The following NUP107 variants were observed in gnomAD, a reference collection of about 807,000 sequenced individuals.
The protein encoded by NUP107 is nuclear pore complex protein Nup107.
Under a neutral mutation model 141.0 loss-of-function variants are expected in NUP107, and 101 were observed. The observed-to-expected ratio is 0.72, with a 90% CI of 0.61 to 0.84. The LOEUF is 0.84. Among genes scored for constraint, NUP107 ranks in the 40% least tolerant of loss-of-function variants. The probability of loss-of-function intolerance (pLI) is 0.00; values close to 1 mark genes in which losing one functional copy is unlikely to be tolerated. For synonymous variants in NUP107, 319 were observed against 363.9 expected (o/e 0.88, Z 1.41); for missense variants, 941 against 1,102.7 (o/e 0.85, Z 2.08).
intron 4 of NUP107, among the ~76,000 whole-genome samples, chr12:68,691,647 A>G (rs942458451): frequency 4.6e-5 from 7 of 152,292 alleles, no homozygotes; most frequent in Admixed American, 1.3e-4. Context: ...CAGCCTGGCC[A>G]ACATGGTGAA....
intron 26 of NUP107, 66 bp downstream of exon 26, chr12:68,735,410 T>G: frequency 8.9e-7 from 1 of 1,128,762 alleles, no homozygotes; most frequent in Admixed American, 1.7e-5. Flanking sequence ...TTAAAAATAT[T>G]CTGTCTCTAA....
At chr12:68,705,387 G>A (rs1876527869) in intron 8 of NUP107, among the ~76,000 whole-genome samples, 1 of 151,986 alleles carries the variant, frequency 6.6e-6, no homozygotes, top group African/African-American at 2.4e-5. Context: ...TCAAAGTAAA[G>A]TTGAATAATA....
intron 6 of NUP107, among the ~76,000 whole-genome samples, chr12:68,697,812 T>C (rs1052186456): frequency 1.3e-5 from 2 of 151,962 alleles, no homozygotes; most frequent in African/African-American, 2.4e-5. Context: ...GGTGGATCAC[T>C]GCAGGTCAGG....
At chr12:68,717,295 A>G (rs939576554) in intron 12 of NUP107, among the ~76,000 whole-genome samples, 1 of 152,136 alleles carries the variant, frequency 6.6e-6, no homozygotes, top group Non-Finnish European at 1.5e-5. Flanking sequence ...AACCACAGAT[A>G]GTGAGTGTTT....
In NUP107 at chr12:68,721,177, G is replaced by T. The variant is rs772115097; in HGVS notation, c.1311G>T (p.Gln437His). Residue 437 changes from glutamine to histidine, a missense_variant and splice_region_variant, in exon 15 of 28, where the codon CAG (glutamine) becomes CAT (histidine). Coordinates refer to ENST00000229179, the MANE Select transcript of NUP107 (RefSeq NM_020401.4). ...CAGCTTTAAGTGGGAATCTTAAGCA[G>T]GTATGCAATCTGTTTTAATGTTTAA... ...IYAALSGNLK[Q>H]LLPVCDTWED... 6.2e-7 allele frequency: 1 copy of T among 1,600,744 alleles called. No homozygotes were observed. The highest frequency in any genetic ancestry group is 8.5e-7 in the Non-Finnish European group (1 of 1,170,322).
Position 68,719,349 on chromosome 12 carries a change from A to G in NUP107, c.1092A>G (p.Arg364=), listed in dbSNP as rs1213384363. 1.2e-6 allele frequency: 2 copies of G among 1,613,784 alleles called. No homozygotes were observed. Among genetic ancestry groups the G allele is most frequent in the Non-Finnish European group, 1.7e-6 (2 of 1,179,840 alleles). The change falls in exon 13 of 28, where the codon CGA becomes CGG. Residue 364 remains arginine, a synonymous_variant. Transcript: ENST00000229179. ...IRAGMTEEAQ[R]LCKRCGQAWR... ...CTTTCTTGTTTTCTAAGGCACAACGACTCTGTAAACGCTGTGGTCAAGCAT... is the reference window on the plus strand; with the variant it reads ...CTTTCTTGTTTTCTAAGGCACAACGGCTCTGTAAACGCTGTGGTCAAGCAT...
At chr12:68,704,956 C>G (rs1483324761) in intron 8 of NUP107, among the ~76,000 whole-genome samples, 5 of 151,578 alleles carry the variant, frequency 3.3e-5, no homozygotes, top group African/African-American at 1.2e-4. Flanking sequence ...GATCATAGTT[C>G]ACTGCAGCCT....
At chr12:68,691,759 G>A (rs1406591399) in intron 4 of NUP107, among the ~76,000 whole-genome samples, 3 of 151,612 alleles carry the variant, frequency 2.0e-5, no homozygotes, top group African/African-American at 4.9e-5. Context: ...GCTTGAGCCT[G>A]AGAGGCAAAG....
intron 24 of NUP107, 145 bp from the exon 25 acceptor site, chr12:68,734,563 G>C: frequency 1.6e-6 from 1 of 626,380 alleles, no homozygotes; most frequent in Non-Finnish European, 2.7e-6. Context: ...TGAATTTTTG[G>C]AGGGAAAAAA....
chr12:68,691,341 G>A (rs915921846), intron 4 of NUP107, among the ~76,000 whole-genome samples: 6 of 152,142 alleles, frequency 3.9e-5, no homozygotes. Context: ...CTGTTTTGAA[G>A]CATACAAGAG....
At chr12:68,707,137 G>T in intron 8 of NUP107, 1 of 552,350 alleles carries the variant, frequency 1.8e-6, no homozygotes. Context: ...GCTGTCCAGA[G>T]GAGCACAGGG....
chr12:68,741,909 A>G lies in NUP107; in HGVS notation c.2599A>G (p.Ser867Gly), dbSNP rs1198272290. ...TTTTCTGCTTCATACGATATTGCACAGTACTGGTCAGTATCAGGAATGCCT... is the reference window on the plus strand; with the variant it reads ...TTTTCTGCTTCATACGATATTGCACGGTACTGGTCAGTATCAGGAATGCCT... ...LCFLLHTILH[S>G]TGQYQECLQL... is the part of the protein sequence containing the mutation. The change falls in exon 27 of 28, where the codon AGT becomes GGT. Residue 867 changes from serine (S) to glycine (G), a missense_variant. Coordinates refer to ENST00000229179, the MANE Select transcript of NUP107 (RefSeq NM_020401.4). 3 of 1,613,760 alleles carry G rather than the reference A, an allele frequency of 1.9e-6. No individual in the cohort carries two copies. The highest frequency in any genetic ancestry group is 2.2e-5 in the South Asian group (2 of 91,056).
chr12:68,695,081 C>A (rs1410353093), intron 5 of NUP107, among the ~76,000 whole-genome samples: 1 of 152,126 alleles, frequency 6.6e-6, no homozygotes, highest in Non-Finnish European at 1.5e-5. Flanking sequence ...TACTGAAAAA[C>A]AAACAAACCA....
intron 2 of NUP107, among the ~76,000 whole-genome samples, 157 bp from the exon 3 acceptor site, chr12:68,689,376 G>A (rs1875664437): frequency 6.6e-6 from 1 of 152,206 alleles, no homozygotes; most frequent in Admixed American, 6.5e-5. Flanking sequence ...AATGGCAGAA[G>A]CAATGAATTA....
At chr12:68,704,134 G>T (rs1011876233) in intron 8 of NUP107, among the ~76,000 whole-genome samples, 1 of 152,198 alleles carries the variant, frequency 6.6e-6, no homozygotes, top group Non-Finnish European at 1.5e-5. Flanking sequence ...GTGTGTGAGA[G>T]AAATTCTGGA....
Position 68,731,589 on chromosome 12 carries a change from C to G in NUP107, c.1886-18C>G. 1 of 1,454,974 alleles carries G rather than the reference C, an allele frequency of 6.9e-7. No homozygotes were observed. Among genetic ancestry groups the G allele is most frequent in the South Asian group, 1.3e-5 (1 of 74,740 alleles). 90.1% of individuals were successfully genotyped at this position (1,454,974 alleles called of 1,614,324 possible). ...AATGATTAATCTTTGTTTTTTGTCG[C>G]TTCAAAAAATTATTTAGATTTGGAT... On this transcript the variant is annotated intron_variant, in intron 21 of 27. Transcript: ENST00000229179.
chr12:68,716,238 TTTCTTTC>T (rs1877103884), intron 12 of NUP107, among the ~76,000 whole-genome samples: 9 of 112,986 alleles, frequency 8.0e-5, no homozygotes, highest in Admixed American at 7.8e-4. Flanking sequence ...TCTTTCTTTC[TTTCTTTC>T]TTTTTTTTTT....
chr12:68,740,902 C>G (rs1878294621), intron 26 of NUP107, among the ~76,000 whole-genome samples: 1 of 150,988 alleles, frequency 6.6e-6, no homozygotes, highest in African/African-American at 2.4e-5. Flanking sequence ...AAAAATTAGC[C>G]GGGCATGGTG....
At chr12:68,724,694 C>A (rs1877487136) in intron 17 of NUP107, among the ~76,000 whole-genome samples, 1 of 152,020 alleles carries the variant, frequency 6.6e-6, no homozygotes, top group Non-Finnish European at 1.5e-5. Flanking sequence ...GTGGGAGGAT[C>A]ACCTGAGCCC....
Sources: gnomAD v4.1 joint callset for allele counts (sites outside exome capture counted in the v4.1 genomes callset) on GRCh38, gnomAD v4.1.1 for gene constraint, MANE v1.5 for transcripts, NCBI Gene and HGNC (gene_info 2026-07-23, HGNC 2026-07-21) for gene names.